Variants in USP40 observed in about 807,000 individuals in gnomAD.
USP40 encodes ubiquitin specific peptidase 40.
A neutral mutation model predicts 166.2 loss-of-function variants in USP40; 143 were observed. The ratio of observed to expected loss-of-function variants is 0.86; its 90% CI spans 0.75 to 0.99. The LOEUF is 0.99. Among genes scored for constraint, USP40 ranks in the 50% least tolerant of loss-of-function variants. The pLI is 0.00. For missense variants in USP40, 1,444 were observed against 1,479.7 expected (o/e 0.98, Z 0.40); for synonymous variants, 498 against 524.0 (o/e 0.95, Z 0.68).
chr2:233,479,358 A>T (rs771934280), intron 31 of USP40, among the ~76,000 whole-genome samples: 1 of 152,148 alleles, frequency 6.6e-6, no homozygotes, highest in African/African-American at 2.4e-5. Context: ...AGGTCAAGAG[A>T]TTGAGACCAT....
At chr2:233,510,378 A>ACTT (rs1470311386) in intron 20 of USP40, among the ~76,000 whole-genome samples, 5 of 122,162 alleles carry the variant, frequency 4.1e-5, no homozygotes, top group South Asian at 5.2e-4. Flanking sequence ...CACATACACT[A>ACTT]CTTCTTTTTC....
intron 14 of USP40, among the ~76,000 whole-genome samples, chr2:233,525,274 G>A (rs1334636809): frequency 2.0e-5 from 3 of 152,182 alleles, no homozygotes; most frequent in African/African-American, 7.2e-5. Flanking sequence ...TTCCATGTTA[G>A]AAGAATTTCA....
In USP40 at chr2:233,485,969, T is replaced by A; in HGVS notation, c.3206A>T (p.Asp1069Val). Residue 1069 changes from aspartate (D) to valine (V), a missense_variant, in exon 29 of 32, where the codon GAC becomes GTC. Physicochemically the swap from Asp to Val is radical, Grantham distance 152. Coordinates refer to ENST00000678225, the MANE Select transcript of USP40 (RefSeq NM_001365479.2). ...LQKGENLGPQ[D>V]VLLRTQVRIP... ...GCGCACCTGTGTCCTCAGCAGCACG[T>A]CCTGGGGGCTGTACCAGAAAACCGT... 1 of 1,574,596 alleles carries A rather than the reference T, an allele frequency of 6.4e-7. No individual in the cohort carries two copies. Among genetic ancestry groups the A allele is most frequent in the Non-Finnish European group, 8.6e-7 (1 of 1,163,164 alleles).
At chr2:233,523,824 C>T (rs565249391) in intron 15 of USP40, among the ~76,000 whole-genome samples, 1 of 152,208 alleles carries the variant, frequency 6.6e-6, no homozygotes, top group South Asian at 2.1e-4. Flanking sequence ...CACTCTCTAC[C>T]TCCAAACCAC....
chr2:233,520,727 G>A (rs1459699847), intron 17 of USP40, among the ~76,000 whole-genome samples: 1 of 152,148 alleles, frequency 6.6e-6, no homozygotes, highest in African/African-American at 2.4e-5. Context: ...GGGAGCCAGA[G>A]AATTCCATGA....
At chr2:233,511,418 A>G (rs1237849635) in intron 20 of USP40, among the ~76,000 whole-genome samples, 1 of 152,214 alleles carries the variant, frequency 6.6e-6, no homozygotes, top group East Asian at 1.9e-4. Context: ...TGAGAAAAAG[A>G]AGGTGTATCT....
intron 26 of USP40, chr2:233,489,761 T>G: frequency 3.1e-6 from 1 of 319,272 alleles, no homozygotes; most frequent in Non-Finnish European, 5.7e-6. Flanking sequence ...TTAATCATCA[T>G]GTTTAAAAAA....
chr2:233,551,257 A>C, intron 7 of USP40, 119 bp downstream of exon 7: 3 of 1,137,970 alleles, frequency 2.6e-6, no homozygotes, highest in Non-Finnish European at 3.6e-6. Context: ...GTTTAACTGA[A>C]AATGTCAATG....
In USP40 at chr2:233,551,389, G is replaced by A. The variant is rs374697846; in HGVS notation, c.824C>T (p.Pro275Leu). Residue 275 changes from proline to leucine, a missense_variant, in exon 7 of 32, where the codon CCC becomes CTC. Coordinates refer to ENST00000678225, the MANE Select transcript of USP40 (RefSeq NM_001365479.2). ...AATAGTTCAAACCTGTTCACAAAAG[G>A]GCTTGAGATTAATCCGGAGAGGGAA... ...YTFPLRINLK[P>L]FCEQSELDDL... 1.1e-4 allele frequency: 177 copies of A among 1,605,032 alleles called. No individual in the cohort carries two copies. Among genetic ancestry groups the A allele is most frequent in the Non-Finnish European group, 1.4e-4 (169 of 1,177,300 alleles).
chr2:233,507,587 G>A (rs1176016201), intron 21 of USP40, among the ~76,000 whole-genome samples: 1 of 151,214 alleles, frequency 6.6e-6, no homozygotes, highest in African/African-American at 2.4e-5. Flanking sequence ...AAGGCTGATC[G>A]GTAATATGAC....
chr2:233,512,581 G>C lies in USP40; in HGVS notation c.2425C>G (p.Leu809Val). Residue 809 changes from leucine (L) to valine (V), a missense_variant, in exon 19 of 32, where the codon CTT (leucine) becomes GTT (valine). Physicochemically the swap from Leu to Val is conservative, Grantham distance 32. Transcript: ENST00000678225. ...CAAAAAGATTTACCTGGACAAAGAA[G>C]CTTCCCATTTCTATCAATAGGTCTC... The part of the protein sequence containing the change: ...CLRPIDRNGK[L>V]LCPVPDSYTL... 1 of 1,583,586 alleles carries C rather than the reference G, an allele frequency of 6.3e-7. No homozygotes were observed.
At chr2:233,505,574 T>A (rs188024918) in intron 21 of USP40, among the ~76,000 whole-genome samples, 18 of 152,124 alleles carry the variant, frequency 1.2e-4, no homozygotes, top group Admixed American at 9.2e-4. Flanking sequence ...TTTAAAAACA[T>A]AGAAGAAATG....
intron 10 of USP40, among the ~76,000 whole-genome samples, chr2:233,534,674 G>A (rs890916036): frequency 1.8e-4 from 28 of 152,158 alleles, no homozygotes; most frequent in African/African-American, 6.8e-4. Context: ...TATGAGAACA[G>A]AGGGTAAAAC....
In USP40 at chr2:233,566,705, C is replaced by G; in HGVS notation, c.-41G>C. ...TTACTGCCTAAAGCCCAGACCCCCG[C>G]CCTGGCCAAAACGCGAAGCGAACGA... On this transcript the variant is annotated 5_prime_UTR_variant, in exon 1 of 32. Transcript: ENST00000678225. The G allele has an allele frequency of 1.0e-6, 1 of 986,088 alleles. No individual in the cohort carries two copies. Among genetic ancestry groups the G allele is most frequent in the Non-Finnish European group, 1.2e-6 (1 of 830,086 alleles). The allele number at this position is 986,088 out of a possible 1,614,324, so 61.1% of individuals were successfully genotyped here.
chr2:233,484,040 C>T, intron 30 of USP40, among the ~76,000 whole-genome samples: 1 of 152,130 alleles, frequency 6.6e-6, no homozygotes, highest in African/African-American at 2.4e-5. Flanking sequence ...TGCACTGTCG[C>T]CACAGCTGTG....
intron 12 of USP40, among the ~76,000 whole-genome samples, chr2:233,528,952 T>A (rs1030562200): frequency 6.6e-6 from 1 of 152,216 alleles, no homozygotes; most frequent in Non-Finnish European, 1.5e-5. Context: ...CATCATAGGC[T>A]TTCCCCCAAG....
intron 30 of USP40, 64 bp from the exon 31 acceptor site, chr2:233,481,361 G>A (rs1464287833): frequency 3.6e-5 from 52 of 1,426,590 alleles, no homozygotes; most frequent in African/African-American, 1.4e-5. Context: ...ATTTAAAAGA[G>A]GCATGTCTAA....
chr2:233,487,989 C>T (rs763932253), intron 28 of USP40: 1 of 659,734 alleles, frequency 1.5e-6, no homozygotes, highest in Admixed American at 2.1e-5. Context: ...TCAGGGCCAT[C>T]ATGGGGTCAA....
intron 18 of USP40, among the ~76,000 whole-genome samples, chr2:233,516,851 C>T (rs1408839732): frequency 1.3e-5 from 2 of 148,948 alleles, no homozygotes; most frequent in African/African-American, 2.5e-5. Context: ...AGCAAGACTC[C>T]GTCTCGAATT....
Sources: allele counts gnomAD v4.1 joint callset (sites outside exome capture counted in the v4.1 genomes callset), GRCh38; gene constraint gnomAD v4.1.1; transcripts MANE v1.5; gene names NCBI Gene and HGNC (gene_info 2026-07-23, HGNC 2026-07-21).